LRMDA: variants seen among roughly 807,000 people sequenced by gnomAD.
The protein encoded by LRMDA is leucine-rich melanocyte differentiation-associated protein.
Under a neutral mutation model 29.8 loss-of-function variants are expected in LRMDA, and 18 were observed. The ratio of observed to expected loss-of-function variants is 0.60; its 90% CI spans 0.42 to 0.90. LRMDA has a LOEUF of 0.90. Among genes scored for constraint, LRMDA ranks in the 40% least tolerant of loss-of-function variants. LRMDA has a pLI of 0.00. For missense variants in LRMDA, 273 were observed against 273.9 expected, an observed-to-expected ratio of 1.00 and a Z score of 0.02; for synonymous variants, 125 against 109.4, an observed-to-expected ratio of 1.14 and a Z score of -0.89.
intron 2 of LRMDA, among the ~76,000 whole-genome samples, chr10:76,009,136 A>G (rs1314798844): frequency 2.0e-5 from 3 of 151,842 alleles, no homozygotes; most frequent in Non-Finnish European, 4.4e-5. Context: ...AAAGCCCCTC[A>G]CTCTGCTTTT....
chr10:76,492,183 G>A (rs953379554), intron 6 of LRMDA, among the ~76,000 whole-genome samples: 1 of 152,052 alleles, frequency 6.6e-6, no homozygotes, highest in Non-Finnish European at 1.5e-5. Context: ...TGTTTCTCCA[G>A]AATTGGTCCC....
intron 5 of LRMDA, among the ~76,000 whole-genome samples, chr10:76,128,643 A>G (rs893857291): frequency 1.3e-5 from 2 of 152,144 alleles, no homozygotes; most frequent in Admixed American, 1.3e-4. Flanking sequence ...AATCCTTGCA[A>G]TGAGATCCAT....
chr10:76,199,191 A>G (rs1369248480), intron 5 of LRMDA, among the ~76,000 whole-genome samples: 1 of 152,212 alleles, frequency 6.6e-6, no homozygotes, highest in Non-Finnish European at 1.5e-5. Flanking sequence ...TCATGAAGCC[A>G]GCATTATGTC....
intron 5 of LRMDA, among the ~76,000 whole-genome samples, chr10:76,163,901 C>T (rs1441576739): frequency 6.6e-6 from 1 of 152,140 alleles, no homozygotes; most frequent in Non-Finnish European, 1.5e-5. Context: ...ACTGGAATGC[C>T]ATATTCTCTG....
At chr10:76,501,925 T>C (rs193018678) in intron 6 of LRMDA, among the ~76,000 whole-genome samples, 99 of 152,134 alleles carry the variant, frequency 6.5e-4, no homozygotes, top group African/African-American at 2.3e-3. Context: ...AGCCCAAAAT[T>C]CTTTGCCAAG....
At chr10:75,926,564 A>T (rs1297471038) in intron 2 of LRMDA, among the ~76,000 whole-genome samples, 3 of 152,214 alleles carry the variant, frequency 2.0e-5, no homozygotes, top group African/African-American at 7.2e-5. Context: ...TTTATGCAGT[A>T]TACTATGAAA....
chr10:76,018,289 G>T (rs975271352), intron 2 of LRMDA, among the ~76,000 whole-genome samples: 3 of 152,162 alleles, frequency 2.0e-5, no homozygotes, highest in Admixed American at 2.0e-4. Context: ...ATCATCCCTG[G>T]CCTCTGTTCA....
chr10:76,511,105 A>G (rs1394415101), intron 6 of LRMDA, among the ~76,000 whole-genome samples: 1 of 152,208 alleles, frequency 6.6e-6, no homozygotes. Context: ...AATATCCCCC[A>G]TCCTATTGGT....
In LRMDA at chr10:76,335,713, A is replaced by G. The variant is rs143937069; in HGVS notation, c.601+11228A>G. The stretch of plus-strand genomic sequence containing the variant: ...TAGATTTAAAATTTTTCTGATTGGC[A>G]ATTGGTTGAAAGAGTTGTCAATAGA... On this transcript the variant is annotated intron_variant, in intron 6 of 6. Transcript: ENST00000611255. Among the ~76,000 whole-genome samples the G allele has an allele frequency of 2.0e-5, 3 of 152,246 alleles. 1 individual carries two copies. In the East Asian group the frequency reaches 5.8e-4, roughly 29 times the overall value.
chr10:75,691,083 TATATCTA>T (rs1842142382), intron 2 of LRMDA, among the ~76,000 whole-genome samples: 1 of 108,386 alleles, frequency 9.2e-6, no homozygotes, highest in Admixed American at 8.5e-5. Flanking sequence ...TATAGATCTA[TATATCTA>T]TGTACATAGA....
chr10:75,605,320 T>C (rs991202373), intron 2 of LRMDA, among the ~76,000 whole-genome samples: 2 of 152,186 alleles, frequency 1.3e-5, no homozygotes, highest in East Asian at 3.9e-4. Context: ...TGTTTGAATA[T>C]AGAAGACAGT....
intron 2 of LRMDA, among the ~76,000 whole-genome samples, chr10:75,838,184 A>G (rs1844475523): frequency 6.6e-6 from 1 of 152,184 alleles, no homozygotes; most frequent in Non-Finnish European, 1.5e-5. Context: ...AAAACTGGTG[A>G]TATATGAGCG....
At chr10:75,509,664 A>G (rs987107794) in intron 2 of LRMDA, among the ~76,000 whole-genome samples, 1 of 152,208 alleles carries the variant, frequency 6.6e-6, no homozygotes. Flanking sequence ...GAGGTCAACT[A>G]TCCTTTCCAC....
intron 5 of LRMDA, among the ~76,000 whole-genome samples, chr10:76,232,854 C>G (rs111681447): frequency 0.016 from 2,450 of 152,206 alleles, 32 homozygotes; most frequent in South Asian, 0.071. Flanking sequence ...GGGCCTGGGG[C>G]CTTTTATGGA....
At chr10:76,019,852 A>T (rs1469210841) in intron 2 of LRMDA, among the ~76,000 whole-genome samples, 1 of 152,170 alleles carries the variant, frequency 6.6e-6, no homozygotes, top group Non-Finnish European at 1.5e-5. Context: ...GGGGAATTAG[A>T]TCATGGATAT....
At chr10:76,458,338 T>C (rs560923139) in intron 6 of LRMDA, among the ~76,000 whole-genome samples, 1 of 152,314 alleles carries the variant, frequency 6.6e-6, no homozygotes, top group South Asian at 2.1e-4. Flanking sequence ...CCAATACTAA[T>C]CAATCCTGGA....
At chr10:76,003,389 C>G (rs762292766) in intron 2 of LRMDA, among the ~76,000 whole-genome samples, 1 of 152,170 alleles carries the variant, frequency 6.6e-6, no homozygotes, top group African/African-American at 2.4e-5. Flanking sequence ...CTACCATCCT[C>G]TCTCCCTTCC....
intron 1 of LRMDA, among the ~76,000 whole-genome samples, chr10:75,434,749 G>A (rs964560970): frequency 3.3e-5 from 5 of 152,208 alleles, no homozygotes; most frequent in African/African-American, 1.2e-4. Context: ...ACTGTGCCCA[G>A]CTCAGTATTA....
chr10:76,196,658 T>G (rs1224864376), intron 5 of LRMDA, among the ~76,000 whole-genome samples: 1 of 152,248 alleles, frequency 6.6e-6, no homozygotes, highest in Non-Finnish European at 1.5e-5. Flanking sequence ...AATCATTAAG[T>G]GTTCTCCAGT....
Sources: gnomAD v4.1 joint callset for allele counts (sites outside exome capture counted in the v4.1 genomes callset) on GRCh38, gnomAD v4.1.1 for gene constraint, MANE v1.5 for transcripts, NCBI Gene and HGNC (gene_info 2026-07-23, HGNC 2026-07-21) for gene names.